The following INSL6 variants were observed in gnomAD, a reference collection of about 807,000 sequenced individuals.
INSL6 encodes insulin-like peptide INSL6.
Under a neutral mutation model 9.4 loss-of-function variants are expected in INSL6, and 16 were observed. That is an observed-to-expected ratio of 1.70 (90% CI 1.15 to 2.59). The LOEUF is 2.59. INSL6 is among the 30% of genes most tolerant of loss of function. INSL6 has a pLI of 0.00. For synonymous variants in INSL6, 154 were observed against 96.9 expected (o/e 1.59, Z -3.46); for missense variants, 391 against 257.3 (o/e 1.52, Z -3.56).
the INSL6 span, chr9:5,112,476 C>T: frequency 1.8e-6 from 1 of 548,046 alleles, no homozygotes; most frequent in Non-Finnish European, 3.3e-6. Context: ...GGGACCGGAC[C>T]AGCCCAGACA....
chr9:5,123,141 A>G (rs1823741895), downstream of INSL6: 1 of 1,488,930 alleles, frequency 6.7e-7, no homozygotes, highest in Non-Finnish European at 9.2e-7. Context: ...CTTTTTATTT[A>G]CTTTCAGTTT....
chr9:5,113,061 C>T, the INSL6 span, among the ~76,000 whole-genome samples: 17 of 152,088 alleles, frequency 1.1e-4, no homozygotes, highest in African/African-American at 4.1e-4. Flanking sequence ...CAGGAGCTCC[C>T]TGGGACCCCG....
chr9:5,162,647 A>G (rs1282238480), downstream of INSL6, among the ~76,000 whole-genome samples: 1 of 152,222 alleles, frequency 6.6e-6, no homozygotes, highest in Non-Finnish European at 1.5e-5. Context: ...TTGTATCTAC[A>G]TGGGTAGCTC....
intron 1 of INSL6, among the ~76,000 whole-genome samples, chr9:5,171,781 G>A (rs1308769786): frequency 6.6e-6 from 1 of 152,058 alleles, no homozygotes; most frequent in Non-Finnish European, 1.5e-5. Flanking sequence ...CAGTTAGCGA[G>A]GAACATGAAG....
intron 2 of INSL6, among the ~76,000 whole-genome samples, chr9:5,146,800 A>G (rs1824608401): frequency 6.6e-6 from 1 of 152,128 alleles, no homozygotes; most frequent in Non-Finnish European, 1.5e-5. Context: ...ATGGGGATGA[A>G]ATGTGTGGGC....
At chr9:5,048,832 G>GTAGA in the INSL6 span, among the ~76,000 whole-genome samples, 2 of 152,196 alleles carry the variant, frequency 1.3e-5, no homozygotes, top group Non-Finnish European at 2.9e-5. Flanking sequence ...AAATACAGAT[G>GTAGA]TAGAGTATAG....
At chr9:5,111,383 C>A in the INSL6 span, 5 of 367,974 alleles carry the variant, frequency 1.4e-5, no homozygotes, top group Admixed American at 3.7e-5. Flanking sequence ...GCAGCTCTGG[C>A]GGACAGAGGC....
chr9:5,073,599 G>A, the INSL6 span: 2 of 869,396 alleles, frequency 2.3e-6, no homozygotes, highest in Non-Finnish European at 1.9e-6. Context: ...CATGCTGAAA[G>A]TAGGAGAAAG....
chr9:5,082,835 C>T, the INSL6 span, among the ~76,000 whole-genome samples: 2 of 152,216 alleles, frequency 1.3e-5, no homozygotes, highest in Non-Finnish European at 2.9e-5. Context: ...ACCTTGATTC[C>T]ATACAACACA....
chr9:5,019,053 T>C, the INSL6 span, among the ~76,000 whole-genome samples: 1 of 152,210 alleles, frequency 6.6e-6, no homozygotes, highest in Non-Finnish European at 1.5e-5. Flanking sequence ...TGGAATTTTG[T>C]CTTTTTGGGG....
chr9:5,014,744 T>C, the INSL6 span, among the ~76,000 whole-genome samples: 13 of 152,304 alleles, frequency 8.5e-5, no homozygotes, highest in African/African-American at 2.9e-4. Context: ...ATGTAACTTA[T>C]ATGAGAGTTA....
the INSL6 span, among the ~76,000 whole-genome samples, chr9:5,062,840 G>A: frequency 0.015 from 2,304 of 152,136 alleles, 65 homozygotes; most frequent in African/African-American, 0.052. Flanking sequence ...TACCTCATGT[G>A]TTTATAGGTC....
At chr9:4,994,341 G>A in the INSL6 span, among the ~76,000 whole-genome samples, 6 of 152,232 alleles carry the variant, frequency 3.9e-5, no homozygotes, top group Admixed American at 2.0e-4. Context: ...TAACCCACTG[G>A]TTCTTATCAG....
the INSL6 span, among the ~76,000 whole-genome samples, chr9:5,093,289 A>G: frequency 3.9e-5 from 6 of 152,316 alleles, no homozygotes; most frequent in African/African-American, 1.2e-4. Context: ...CTGTTTACCA[A>G]AAACATCACC....
chr9:5,016,130 G>C, the INSL6 span, among the ~76,000 whole-genome samples: 1 of 152,146 alleles, frequency 6.6e-6, no homozygotes, highest in Admixed American at 6.5e-5. Context: ...ATTGGAAGGG[G>C]AACCTCCCGC....
the INSL6 span, among the ~76,000 whole-genome samples, chr9:5,092,553 A>G: frequency 1.3e-5 from 2 of 152,198 alleles, no homozygotes; most frequent in Non-Finnish European, 2.9e-5. Flanking sequence ...ACAAAAGAAT[A>G]GGCAATAGAA....
chr9:5,086,698 T>C, the INSL6 span, among the ~76,000 whole-genome samples: 1 of 152,218 alleles, frequency 6.6e-6, no homozygotes, highest in Non-Finnish European at 1.5e-5. Flanking sequence ...GAAAATTTCC[T>C]ACCCTGAAAT....
the INSL6 span, among the ~76,000 whole-genome samples, chr9:5,113,342 T>C: frequency 6.6e-6 from 1 of 150,628 alleles, no homozygotes; most frequent in Admixed American, 6.6e-5. Flanking sequence ...CTGTGGAAAC[T>C]TGGCTTATTC....
chr9:5,020,775 G>A, the INSL6 span, among the ~76,000 whole-genome samples: 22 of 152,222 alleles, frequency 1.4e-4, 1 homozygote, highest in South Asian at 4.4e-3. Context: ...TTGTGCTTTG[G>A]TCCCAGAGGC....
Sources: gnomAD v4.1 joint callset for allele counts (sites outside exome capture counted in the v4.1 genomes callset) on GRCh38, gnomAD v4.1.1 for gene constraint, MANE v1.5 for transcripts, NCBI Gene and HGNC (gene_info 2026-07-23, HGNC 2026-07-21) for gene names.